The following FAP variants were observed in gnomAD, a reference collection of about 807,000 sequenced individuals.
FAP encodes prolyl endopeptidase FAP.
A neutral mutation model predicts 126.5 loss-of-function variants in FAP; 110 were observed. The observed-to-expected ratio is 0.87, with a 90% CI of 0.74 to 1.02. The LOEUF is 1.02. Among genes scored for constraint, FAP ranks in the 50% least tolerant of loss-of-function variants. The pLI, the probability that FAP is intolerant of heterozygous loss-of-function variation, is 0.00. For synonymous variants in FAP, 334 were observed against 297.3 expected, an observed-to-expected ratio of 1.12 and a Z score of -1.27; for missense variants, 919 against 909.2, an observed-to-expected ratio of 1.01 and a Z score of -0.14.
intron 7 of FAP, among the ~76,000 whole-genome samples, chr2:162,219,625 G>C (rs1280886944): frequency 6.6e-6 from 1 of 152,082 alleles, no homozygotes; most frequent in African/African-American, 2.4e-5. Flanking sequence ...CTGAGTATAA[G>C]GATAAAGTTT....
At chr2:162,200,691 T>C (rs1420543299) in intron 14 of FAP, 72 bp from the exon 15 acceptor site, 16 of 681,064 alleles carry the variant, frequency 2.3e-5, no homozygotes, top group Non-Finnish European at 3.7e-5. Context: ...TTAATACTAA[T>C]ATAGTATCAA....
At chr2:162,186,532 C>T (rs1249260432) in intron 20 of FAP, among the ~76,000 whole-genome samples, 1 of 151,942 alleles carries the variant, frequency 6.6e-6, no homozygotes, top group African/African-American at 2.4e-5. Flanking sequence ...GGTAAATAAA[C>T]CCATAAAAGT....
At chr2:162,182,603 C>T (rs1239472019) in intron 21 of FAP, among the ~76,000 whole-genome samples, 2 of 152,080 alleles carry the variant, frequency 1.3e-5, no homozygotes, top group Non-Finnish European at 2.9e-5. Flanking sequence ...TCGTGCAGGC[C>T]GCTCTCAGAG....
At chr2:162,179,793 T>TCTATCG (rs35174975) in intron 21 of FAP, among the ~76,000 whole-genome samples, 1 of 21,002 alleles carries the variant, frequency 4.8e-5, no homozygotes, top group Non-Finnish European at 1.2e-4. Flanking sequence ...TATCTATCTA[T>TCTATCG]ATATATATAT....
intron 20 of FAP, among the ~76,000 whole-genome samples, chr2:162,186,364 A>C (rs1687867480): frequency 6.6e-6 from 1 of 152,122 alleles, no homozygotes; most frequent in Non-Finnish European, 1.5e-5. Context: ...CTAAATGCCA[A>C]AGACAAATTG....
At chr2:162,242,344 G>A (rs561813802) in intron 2 of FAP, among the ~76,000 whole-genome samples, 3 of 152,252 alleles carry the variant, frequency 2.0e-5, no homozygotes, top group East Asian at 1.9e-4. Context: ...ATTTATGACT[G>A]ATCAAAATGC....
intron 6 of FAP, among the ~76,000 whole-genome samples, chr2:162,220,899 C>A (rs550025884): frequency 5.9e-5 from 9 of 152,162 alleles, no homozygotes; most frequent in Admixed American, 2.0e-4. Context: ...GCCGCCCAAG[C>A]ACAATTTGAA....
chr2:162,189,783 T>C (rs781678111), intron 17 of FAP, 29 bp from the exon 18 acceptor site: 10 of 1,275,888 alleles, frequency 7.8e-6, no homozygotes, highest in Non-Finnish European at 1.0e-5. Flanking sequence ...TCATTTTTAA[T>C]CAATAGTATT....
At chr2:162,219,967 T>C in intron 6 of FAP, 42 bp from the exon 7 acceptor site, 1 of 1,350,740 alleles carries the variant, frequency 7.4e-7, no homozygotes, top group Non-Finnish European at 1.1e-6. Context: ...ACCTTGCTGT[T>C]TAATGCAAAA....
chr2:162,203,812 G>A (rs1293375069), intron 12 of FAP, among the ~76,000 whole-genome samples: 3 of 152,114 alleles, frequency 2.0e-5, no homozygotes, highest in African/African-American at 7.2e-5. Flanking sequence ...GGTACGCTAG[G>A]CTCTTTAGTG....
At chr2:162,227,413 A>G (rs566431837) in intron 2 of FAP, among the ~76,000 whole-genome samples, 1 of 152,262 alleles carries the variant, frequency 6.6e-6, no homozygotes. Context: ...ACAAACATTC[A>G]TTACAGAGCC....
intron 11 of FAP, among the ~76,000 whole-genome samples, chr2:162,212,162 T>C (rs925601320): frequency 6.6e-5 from 10 of 152,206 alleles, no homozygotes; most frequent in Non-Finnish European, 1.5e-4. Context: ...TCAGTTTGGA[T>C]TAAAGTTGTC....
At chr2:162,224,409 C>T in intron 5 of FAP, 57 bp downstream of exon 5, 1 of 1,054,196 alleles carries the variant, frequency 9.5e-7, no homozygotes, top group Non-Finnish European at 1.4e-6. Flanking sequence ...TTTTTTAAAC[C>T]ACCTTGTGGA....
At position 162,189,861 on chromosome 2, in the gene FAP, G is replaced by C. The variant is rs185097684; in HGVS notation, c.1451-107C>G. The C allele has an allele frequency of 3.8e-4, 242 of 633,528 alleles. 2 individuals carry two copies. The highest frequency in any genetic ancestry group is 2.6e-3 in the Middle Eastern group (6 of 2,290). The allele number at this position is 633,528 out of a possible 1,614,324, so 39.2% of individuals were successfully genotyped here. On this transcript the variant is annotated intron_variant, in intron 17 of 25. Coordinates refer to ENST00000188790, the MANE Select transcript of FAP (RefSeq NM_004460.5). ...ATGGGTGAAACTGAAACTGTGAAAA[G>C]CTCGCTTAAGAAGTGAAGTTTCATA... is the stretch of plus-strand genomic sequence containing the variant.
At chr2:162,220,095 G>A (rs1408099221) in intron 6 of FAP, among the ~76,000 whole-genome samples, 170 bp from the exon 7 acceptor site, 1 of 152,198 alleles carries the variant, frequency 6.6e-6, no homozygotes, top group Admixed American at 6.5e-5. Flanking sequence ...AGACATAGGT[G>A]TTGATTGCTG....
chr2:162,199,567 C>T (rs1034502161), intron 15 of FAP, among the ~76,000 whole-genome samples: 6 of 152,198 alleles, frequency 3.9e-5, no homozygotes, highest in African/African-American at 1.4e-4. Context: ...CCTTATCCGA[C>T]ACCCTCAGAA....
intron 16 of FAP, among the ~76,000 whole-genome samples, chr2:162,195,294 G>A (rs1347220215): frequency 2.0e-5 from 3 of 152,072 alleles, no homozygotes; most frequent in East Asian, 1.9e-4. Context: ...TTGGAAGGAG[G>A]TTTGTGGGGG....
chr2:162,209,745 G>C (rs1049030961), intron 12 of FAP: 19 of 544,104 alleles, frequency 3.5e-5, no homozygotes, highest in Non-Finnish European at 5.9e-5. Context: ...TGAGGAGTAT[G>C]AGTTATTTTC....
At chr2:162,233,812 A>G (rs1486006377) in intron 2 of FAP, among the ~76,000 whole-genome samples, 1 of 152,144 alleles carries the variant, frequency 6.6e-6, no homozygotes, top group Non-Finnish European at 1.5e-5. Flanking sequence ...ATAAAAATGT[A>G]TCTGTATGTT....
Sources: allele counts gnomAD v4.1 joint callset (sites outside exome capture counted in the v4.1 genomes callset), GRCh38; gene constraint gnomAD v4.1.1; transcripts MANE v1.5; gene names NCBI Gene and HGNC (gene_info 2026-07-23, HGNC 2026-07-21).